The following CDC27 variants were observed in gnomAD, a reference collection of about 807,000 sequenced individuals.
CDC27 encodes the protein cell division cycle 27, also known as cell division cycle protein 27 homolog.
CDC27 carries 27 observed loss-of-function variants against 109.7 expected under a neutral mutation model. That is an observed-to-expected ratio of 0.25 (90% CI 0.18 to 0.34). The LOEUF is 0.34. CDC27 is among the 10% of genes least tolerant of loss of function. The pLI, the probability that CDC27 is intolerant of heterozygous loss-of-function variation, is 1.00. For missense variants in CDC27, 579 were observed against 960.2 expected, an observed-to-expected ratio of 0.60 and a Z score of 5.25; for synonymous variants, 266 against 333.9, an observed-to-expected ratio of 0.80 and a Z score of 2.22.
intron 4 of CDC27, among the ~76,000 whole-genome samples, chr17:47,161,380 A>C (rs528746312): frequency 6.6e-5 from 10 of 152,310 alleles, no homozygotes; most frequent in Admixed American, 2.6e-4. Context: ...AGGGCATACA[A>C]AAAAACATTT....
intron 4 of CDC27, among the ~76,000 whole-genome samples, chr17:47,167,826 T>C (rs542937414): frequency 5.1e-4 from 78 of 152,306 alleles, no homozygotes; most frequent in African/African-American, 1.8e-3. Flanking sequence ...GGGCTCAGTC[T>C]TCAAGACTGC....
Position 47,132,299 on chromosome 17 carries a change from A to G in CDC27, c.1989T>C (p.Asp663=), listed in dbSNP as rs747349709. The G allele has an allele frequency of 8.0e-5, 128 of 1,604,252 alleles. No homozygotes were observed. The highest frequency in any genetic ancestry group is 5.3e-5 in the Non-Finnish European group (62 of 1,174,086). ...GTAAAACTGAACTTTGAGGGTTGAT[A>G]TCAAGCGCTTTTTGGAAATGCATTT... ...LAEMHFQKAL[D]INPQSSVLLC... The change falls in exon 15 of 19, where the codon GAT becomes GAC. Residue 663 remains aspartate (D), a synonymous_variant. Coordinates refer to ENST00000066544, the MANE Select transcript of CDC27 (RefSeq NM_001256.6).
chr17:47,188,836 T>C (rs1598635490), intron 1 of CDC27: 1 of 1,265,466 alleles, frequency 7.9e-7, no homozygotes, highest in East Asian at 3.2e-5. Context: ...CGGCCCCTCA[T>C]CTCCCACCCC....
At chr17:47,130,033 A>T (rs1348345112) in intron 15 of CDC27, among the ~76,000 whole-genome samples, 1 of 152,204 alleles carries the variant, frequency 6.6e-6, no homozygotes, top group African/African-American at 2.4e-5. Flanking sequence ...ACTCAGAACA[A>T]TTATATTTTC....
rs765477385 is a variant in CDC27, at chr17:47,151,934, A to T, written c.958-16T>A. 6.3e-7 allele frequency: 1 copy of T among 1,598,556 alleles called. No individual in the cohort carries two copies. The highest frequency in any genetic ancestry group is 1.2e-5 in the South Asian group (1 of 86,646). ...TGGCAACAGACTGTAAAACACGAAA[A>T]GTCTAAGGTTTGTGAATTATGGGCT... On this transcript the variant is annotated splice_polypyrimidine_tract_variant and intron_variant, in intron 8 of 18. Coordinates refer to ENST00000066544, the MANE Select transcript of CDC27 (RefSeq NM_001256.6).
At chr17:47,140,848 C>G (rs2062772923) in intron 12 of CDC27, among the ~76,000 whole-genome samples, 1 of 152,224 alleles carries the variant, frequency 6.6e-6, no homozygotes, top group South Asian at 2.1e-4. Flanking sequence ...TAGGTATCCT[C>G]TGTATGTATT....
At chr17:47,132,851 C>G (rs79860768) in intron 14 of CDC27, among the ~76,000 whole-genome samples, 1 of 144,714 alleles carries the variant, frequency 6.9e-6, no homozygotes, top group Non-Finnish European at 1.5e-5. Context: ...CTCACTGCAG[C>G]CTTGACCTCC....
chr17:47,159,939 G>A (rs1278695397), intron 4 of CDC27: 12 of 363,934 alleles, frequency 3.3e-5, no homozygotes, highest in East Asian at 1.0e-4. Flanking sequence ...CCGTGGCCTC[G>A]GTCCCGGCCC....
At chr17:47,184,711 C>T (rs77714652) in intron 1 of CDC27, among the ~76,000 whole-genome samples, 3,482 of 152,232 alleles carry the variant, frequency 0.023, 47 homozygotes, top group Middle Eastern at 0.075. Context: ...GCTTCCATCC[C>T]GCTTTGCTCA....
At chr17:47,122,980 A>G (rs1050959094) in intron 17 of CDC27, among the ~76,000 whole-genome samples, 33 of 152,100 alleles carry the variant, frequency 2.2e-4, no homozygotes, top group Admixed American at 1.5e-3. Flanking sequence ...ACAATTCTAA[A>G]TATTTATAAT....
At chr17:47,127,204 A>G (rs761472581) in intron 16 of CDC27, among the ~76,000 whole-genome samples, 5 of 152,176 alleles carry the variant, frequency 3.3e-5, no homozygotes, top group Non-Finnish European at 5.9e-5. Flanking sequence ...TTGAGGCTTC[A>G]GTGAGCTATG....
At chr17:47,136,277 A>G (rs2062587649) in intron 14 of CDC27, among the ~76,000 whole-genome samples, 1 of 152,216 alleles carries the variant, frequency 6.6e-6, no homozygotes, top group African/African-American at 2.4e-5. Flanking sequence ...TTTTTTGGCC[A>G]TCTTTCAGGC....
intron 11 of CDC27, 57 bp from the exon 12 acceptor site, chr17:47,142,082 T>C (rs1406938881): frequency 1.9e-5 from 25 of 1,338,122 alleles, no homozygotes; most frequent in Admixed American, 4.8e-5. Context: ...AGTCTGCTTC[T>C]CTAGAAAAGG....
chr17:47,169,871 C>A lies in CDC27; in HGVS notation c.377+46G>T, dbSNP rs370698835. On this transcript the variant is annotated intron_variant, in intron 4 of 18. Coordinates refer to ENST00000066544, the MANE Select transcript of CDC27 (RefSeq NM_001256.6). ...TAGGTTTTTTAAACTATAAAACATACTTGTATGGAAATGCTTTTCTGACAG... is the reference window on the plus strand; with the variant it reads ...TAGGTTTTTTAAACTATAAAACATAATTGTATGGAAATGCTTTTCTGACAG... 4 of 1,504,870 alleles carry A rather than the reference C, an allele frequency of 2.7e-6. No individual in the cohort carries two copies. The African/African-American group carries it at 4.3e-5, about 16-fold the overall frequency. 93.2% of individuals were successfully genotyped at this position (1,504,870 alleles called of 1,614,324 possible).
chr17:47,147,426 AAC>A (rs1491113532), intron 9 of CDC27, among the ~76,000 whole-genome samples: 26 of 103,908 alleles, frequency 2.5e-4, no homozygotes, highest in African/African-American at 9.2e-4. Context: ...CAAACAAACA[AAC>A]AAAAAAAAAA....
chr17:47,168,983 CTTTTT>C (rs558815409), intron 4 of CDC27, among the ~76,000 whole-genome samples: 2 of 139,334 alleles, frequency 1.4e-5, no homozygotes, highest in Admixed American at 7.2e-5. Context: ...TGTTCTTTTT[CTTTTT>C]TTTTTTCTTT....
chr17:47,157,868 C>T (rs1470473757), intron 5 of CDC27, among the ~76,000 whole-genome samples: 3 of 152,144 alleles, frequency 2.0e-5, no homozygotes, highest in Admixed American at 6.5e-5. Flanking sequence ...AAGTTTCAGG[C>T]ATTTATTAAT....
In CDC27 at chr17:47,174,222, C is replaced by T. The variant is rs115232104; in HGVS notation, c.104-2158G>A. On this transcript the variant is annotated intron_variant, in intron 2 of 18. Coordinates refer to ENST00000066544, the MANE Select transcript of CDC27 (RefSeq NM_001256.6). ...TGGCAGCAGAAAAAGATAACAGTAC[C>T]CCAAACACAACTAAAGAAGCAGTGG... is the stretch of plus-strand genomic sequence containing the variant. Among the ~76,000 whole-genome samples, 720 of 152,240 alleles carry T rather than the reference C, an allele frequency of 4.7e-3. 7 individuals carry two copies. Among genetic ancestry groups the T allele is most frequent in the African/African-American group, 0.017 (695 of 41,536 alleles).
At chr17:47,137,444 A>C in intron 13 of CDC27, 84 bp from the exon 14 acceptor site, 3 of 720,930 alleles carry the variant, frequency 4.2e-6, no homozygotes, top group South Asian at 2.6e-5. Flanking sequence ...TCAAGCCTCA[A>C]CTTAGAACAG....
Sources: gnomAD v4.1 joint callset for allele counts (sites outside exome capture counted in the v4.1 genomes callset) on GRCh38, gnomAD v4.1.1 for gene constraint, MANE v1.5 for transcripts, NCBI Gene and HGNC (gene_info 2026-07-23, HGNC 2026-07-21) for gene names.